The following EZHIP variants were observed in gnomAD, a reference collection of about 807,000 sequenced individuals.
The protein encoded by EZHIP is K27M-like inhibitor of PRC2.
For synonymous variants in EZHIP, 192 were observed against 86.5 expected (o/e 2.22, Z -6.77); for missense variants, 428 against 204.2 (o/e 2.10, Z -6.68).
Position 51,408,047 on chromosome X carries a change from G to C in EZHIP, c.1031G>C (p.Gly344Ala). ...AGCACCAGCACGACGCCAGGCACTG[G>C]CCTCCGGAGCCGTTCCACCCAGCAA... The part of the protein sequence containing the change: ...HRSTSTTPGT[G>A]LRSRSTQQRS... Residue 344 changes from glycine to alanine, a missense_variant, in exon 1 of 1, where the codon GGC (glycine) becomes GCC (alanine). Transcript: ENST00000342995. 1 of 570,873 alleles carries C rather than the reference G, an allele frequency of 1.8e-6. No homozygotes were observed. The highest frequency in any genetic ancestry group is 3.2e-6 in the Non-Finnish European group (1 of 309,512). The allele number at this position is 570,873 out of a possible 1,213,427, so 47.0% of individuals were successfully genotyped here.
In EZHIP at chrX:51,407,417, A is replaced by T; in HGVS notation, c.401A>T (p.Glu134Val). The stretch of plus-strand genomic sequence containing the variant: ...CAGAAGGCCACTGGCCACGCCGACG[A>T]GCACCTGGCCCAGACCAAGAGCCCC... Reference protein sequence around the residue: ...GPQKATGHADEHLAQTKSPGN... With the variant: ...GPQKATGHADVHLAQTKSPGN... The change falls in exon 1 of 1, where the codon GAG becomes GTG. Residue 134 changes from glutamate (E) to valine (V), a missense_variant. By Grantham distance (121) the Glu-to-Val change is moderately radical (BLOSUM62 -2). Coordinates refer to ENST00000342995, the MANE Select transcript of EZHIP (RefSeq NM_203407.3). 1.8e-6 allele frequency: 1 copy of T among 542,928 alleles called. No homozygotes were observed. Among genetic ancestry groups the T allele is most frequent in the South Asian group, 2.4e-5 (1 of 41,832 alleles). 44.7% of individuals were successfully genotyped at this position (542,928 alleles called of 1,213,427 possible).
Position 51,407,533 on chromosome X carries a change from C to T in EZHIP, c.517C>T (p.Pro173Ser). The part of the protein sequence containing the change: ...PGRRLFPEPL[P>S]PSSPGFRPSS... ...GCGGCGTCTGTTTCCTGAGCCTTTG[C>T]CGCCATCTTCTCCAGGGTTCCGGCC... Residue 173 changes from proline to serine, a missense_variant, in exon 1 of 1, where the codon CCG becomes TCG. Transcript: ENST00000342995. 1.8e-6 allele frequency: 1 copy of T among 549,303 alleles called. No homozygotes were observed. The highest frequency in any genetic ancestry group is 2.4e-5 in the South Asian group (1 of 42,196). The allele number at this position is 549,303 out of a possible 1,213,427, so 45.3% of individuals were successfully genotyped here.
rs782413802 is a variant in EZHIP at position 51,407,259 on chromosome X, T to G, written c.243T>G (p.Asp81Glu). 1.8e-6 allele frequency: 1 copy of G among 569,622 alleles called. No individual in the cohort carries two copies. The highest frequency in any genetic ancestry group is 3.2e-6 in the Non-Finnish European group (1 of 309,276). 46.9% of individuals were successfully genotyped at this position (569,622 alleles called of 1,213,427 possible). A position where few individuals can be genotyped will look rare whatever the true frequency, so the allele number is the denominator to read the frequency against. Reference protein sequence around the residue: ...AATSAAIFITDEASGLPIIAA... With the variant: ...AATSAAIFITEEASGLPIIAA... ...CCTCCGCCGCCATTTTCATCACCGATGAGGCCTCGGGGCTGCCAATCATAG... is the reference window on the plus strand; with the variant it reads ...CCTCCGCCGCCATTTTCATCACCGAGGAGGCCTCGGGGCTGCCAATCATAG... The change falls in exon 1 of 1, where the codon GAT (aspartate) becomes GAG (glutamate). Residue 81 changes from aspartate to glutamate, a missense_variant. Physicochemically the swap from Asp to Glu is conservative, Grantham distance 45. Transcript: ENST00000342995.
At position 51,408,732 on chromosome X, in the gene EZHIP, T is replaced by A; in HGVS notation, c.*204T>A. 2.5e-6 allele frequency: 1 copy of A among 396,172 alleles called. No individual in the cohort carries two copies. Among genetic ancestry groups the A allele is most frequent in the South Asian group, 6.3e-5 (1 of 15,883 alleles). The allele number at this position is 396,172 out of a possible 1,213,427, so 32.6% of individuals were successfully genotyped here. ...TGTTGGCCTTTGATTCTGGGCCACCTTCTTCCTCAAGAGTTTGCCTTTGCC... is the reference window on the plus strand; with the variant it reads ...TGTTGGCCTTTGATTCTGGGCCACCATCTTCCTCAAGAGTTTGCCTTTGCC... On this transcript the variant is annotated 3_prime_UTR_variant, in exon 1 of 1. Coordinates refer to ENST00000342995, the MANE Select transcript of EZHIP (RefSeq NM_203407.3).
Position 51,408,072 on chromosome X carries a change from A to G in EZHIP, c.1056A>G (p.Gln352=). Residue 352 remains glutamine, a synonymous_variant, in exon 1 of 1, where the codon CAA becomes CAG. Coordinates refer to ENST00000342995, the MANE Select transcript of EZHIP (RefSeq NM_203407.3). ...GTGLRSRSTQ[Q]RSALLSRRSL... ...GCCTCCGGAGCCGTTCCACCCAGCA[A>G]AGATCAGCCCTTCTCAGCCGCCGCT... The G allele has an allele frequency of 1.8e-6, 1 of 570,844 alleles. No homozygotes were observed. Among genetic ancestry groups the G allele is most frequent in the Non-Finnish European group, 3.2e-6 (1 of 309,329 alleles). The allele number at this position is 570,844 out of a possible 1,213,427, so 47.0% of individuals were successfully genotyped here. A position where few individuals can be genotyped will look rare whatever the true frequency, so the allele number is the denominator to read the frequency against.
rs1557318910 is a variant in EZHIP, at chrX:51,408,140, G to A, written c.1124G>A (p.Gly375Asp). 8.8e-6 allele frequency: 5 copies of A among 570,810 alleles called. No homozygotes were observed. Among genetic ancestry groups the A allele is most frequent in the Middle Eastern group, 3.1e-4 (1 of 3,250 alleles). 47.0% of individuals were successfully genotyped at this position (570,810 alleles called of 1,213,427 possible). A position where few individuals can be genotyped will look rare whatever the true frequency, so the allele number is the denominator to read the frequency against. ...SADENPSCGTGSERLAFQSRS... is the reference protein window; with the variant it reads ...SADENPSCGTDSERLAFQSRS... ...GATGAGAATCCTTCCTGTGGGACTG[G>A]CTCAGAAAGGCTTGCCTTTCAGAGC... The change falls in exon 1 of 1, where the codon GGC becomes GAC. Residue 375 changes from glycine (G) to aspartate (D), a missense_variant. Physicochemically the swap from Gly to Asp is moderately conservative, Grantham distance 94 (BLOSUM62 -1). Transcript: ENST00000342995.
chrX:51,406,996 T>C lies in EZHIP; in HGVS notation c.-21T>C. The C allele has an allele frequency of 1.8e-6, 1 of 559,802 alleles. No individual in the cohort carries two copies. The highest frequency in any genetic ancestry group is 3.3e-6 in the Non-Finnish European group (1 of 302,905). 46.1% of individuals were successfully genotyped at this position (559,802 alleles called of 1,213,427 possible). A position where few individuals can be genotyped will look rare whatever the true frequency, so the allele number is the denominator to read the frequency against. On this transcript the variant is annotated 5_prime_UTR_variant, in exon 1 of 1. Transcript: ENST00000342995. Reference sequence around the variant, plus strand: ...AGAAGTAGCAGCTGCGCTCTTGCTCTCTGGGGGAGAACCTGGCGTTATGGC... The same window carrying C: ...AGAAGTAGCAGCTGCGCTCTTGCTCCCTGGGGGAGAACCTGGCGTTATGGC...
Position 51,408,503 on chromosome X carries a change from A to T in EZHIP, c.1487A>T (p.His496Leu), listed in dbSNP as rs1557318992. The change falls in exon 1 of 1, where the codon CAC (histidine) becomes CTC (leucine). Residue 496 changes from histidine to leucine, a missense_variant. Coordinates refer to ENST00000342995, the MANE Select transcript of EZHIP (RefSeq NM_203407.3). ...CAGGCAGAAATAGAGAGCACAGCTC[A>T]CCCCGCAACACCGCCTGAGCCGTGA... ...EEQAEIESTA[H>L]PATPPEP 1 of 569,899 alleles carries T rather than the reference A, an allele frequency of 1.8e-6. No homozygotes were observed. Among genetic ancestry groups the T allele is most frequent in the South Asian group, 2.2e-5 (1 of 44,850 alleles). 47.0% of individuals were successfully genotyped at this position (569,899 alleles called of 1,213,427 possible).
At position 51,407,870 on chromosome X, in the gene EZHIP, C is replaced by T. The variant is rs782145727; in HGVS notation, c.854C>T (p.Ala285Val). Residue 285 changes from alanine (A) to valine (V), a missense_variant, in exon 1 of 1, where the codon GCG (alanine) becomes GTG (valine). Physicochemically the swap from Ala to Val is moderately conservative, Grantham distance 64. Transcript: ENST00000342995. ...CCTGCCCGCCGAGGCTGCGATTCTG[C>T]GCCAGGCCCTGCCCGCCGAGGCCGC... Reference protein sequence around the residue: ...PGPARRGCDSAPGPARRGRDS... With the variant: ...PGPARRGCDSVPGPARRGRDS... The T allele has an allele frequency of 7.6e-5, 42 of 555,750 alleles. No homozygotes were observed. The highest frequency in any genetic ancestry group is 6.3e-4 in the African/African-American group (28 of 44,421). 45.8% of individuals were successfully genotyped at this position (555,750 alleles called of 1,213,427 possible). A position where few individuals can be genotyped will look rare whatever the true frequency, so the allele number is the denominator to read the frequency against.
rs1924141267 is a variant in EZHIP, at chrX:51,408,348, T to C, written c.1332T>C (p.Pro444=). 1.8e-6 allele frequency: 1 copy of C among 569,393 alleles called. No individual in the cohort carries two copies. The highest frequency in any genetic ancestry group is 2.2e-5 in the Admixed American group (1 of 45,025). 46.9% of individuals were successfully genotyped at this position (569,393 alleles called of 1,213,427 possible). The change falls in exon 1 of 1, where the codon CCT becomes CCC. Residue 444 remains proline, a synonymous_variant. Transcript: ENST00000342995. ...ASNSSSPSRS[P]GLSPSSPSPE... ...ACTCCTCCTCCCCGAGTAGGTCTCC[T>C]GGCCTAAGCCCCTCATCCCCTTCCC...
In EZHIP at chrX:51,408,169, T is replaced by G. The variant is rs782487616; in HGVS notation, c.1153T>G (p.Ser385Ala). 3.5e-6 allele frequency: 2 copies of G among 570,881 alleles called. No homozygotes were observed. The highest frequency in any genetic ancestry group is 4.4e-5 in the South Asian group (2 of 44,998). The allele number at this position is 570,881 out of a possible 1,213,427, so 47.0% of individuals were successfully genotyped here. Residue 385 changes from serine to alanine, a missense_variant, in exon 1 of 1, where the codon TCA (serine) becomes GCA (alanine). Transcript: ENST00000342995. ...GSERLAFQSR[S>A]GSPDPEVPSR... ...AGAAAGGCTTGCCTTTCAGAGCAGA[T>G]CAGGCTCTCCTGATCCTGAGGTCCC... is the stretch of plus-strand genomic sequence containing the variant.
Position 51,408,611 on chromosome X carries a change from C to T in EZHIP, c.*83C>T. Reference sequence around the variant, plus strand: ...AATGGGCTGCCTGCCCTGTAGTTAGCTGCGAGGTCTCCCAAAGTTCCAGCC... The same window carrying T: ...AATGGGCTGCCTGCCCTGTAGTTAGTTGCGAGGTCTCCCAAAGTTCCAGCC... On this transcript the variant is annotated 3_prime_UTR_variant, in exon 1 of 1. Transcript: ENST00000342995. 2.0e-6 allele frequency: 1 copy of T among 492,076 alleles called. No homozygotes were observed. The highest frequency in any genetic ancestry group is 3.5e-5 in the East Asian group (1 of 28,567). The allele number at this position is 492,076 out of a possible 1,213,427, so 40.6% of individuals were successfully genotyped here.
At position 51,407,338 on chromosome X, in the gene EZHIP, G is replaced by A. The variant is rs2146629743; in HGVS notation, c.322G>A (p.Glu108Lys). 5.3e-6 allele frequency: 3 copies of A among 569,698 alleles called. No homozygotes were observed. In the East Asian group the frequency reaches 9.8e-5, roughly 19 times the overall value. The allele number at this position is 569,698 out of a possible 1,213,427, so 46.9% of individuals were successfully genotyped here. The change falls in exon 1 of 1, where the codon GAA becomes AAA. Residue 108 changes from glutamate to lysine, a missense_variant. Glu to Lys is a moderately conservative substitution (Grantham distance 56). Transcript: ENST00000342995. The stretch of plus-strand genomic sequence containing the variant: ...CCGCCAGGACTGCCGCAGTCCTCAC[G>A]AAGTTTTTGGGTGTGTGGTGCCCGA... ...SDRQDCRSPH[E>K]VFGCVVPEGG... is the part of the protein sequence containing the mutation.
chrX:51,407,166 C>T lies in EZHIP; in HGVS notation c.150C>T (p.Ser50=), dbSNP rs782571238. 3.5e-6 allele frequency: 2 copies of T among 571,031 alleles called. No individual in the cohort carries two copies. Among genetic ancestry groups the T allele is most frequent in the Non-Finnish European group, 6.5e-6 (2 of 309,495 alleles). The allele number at this position is 571,031 out of a possible 1,213,427, so 47.1% of individuals were successfully genotyped here. The change falls in exon 1 of 1, where the codon AGC becomes AGT. Residue 50 remains serine (S), a synonymous_variant. Coordinates refer to ENST00000342995, the MANE Select transcript of EZHIP (RefSeq NM_203407.3). ...DPAASVTTVS[S]QASPSGGAAL... is the part of the protein sequence containing the mutation. ...CTGCTTCCGTCACCACAGTCTCCAG[C>T]CAAGCATCTCCCTCGGGCGGCGCCG... is the stretch of plus-strand genomic sequence containing the variant.
chrX:51,407,236 T>G lies in EZHIP; in HGVS notation c.220T>G (p.Ser74Ala), dbSNP rs1331291457. Residue 74 changes from serine to alanine, a missense_variant, in exon 1 of 1, where the codon TCC becomes GCC. By Grantham distance (99) the Ser-to-Ala change is moderately conservative (BLOSUM62 1). Transcript: ENST00000342995. ...TAGSSAAAAT[S>A]AAIFITDEAS... is the part of the protein sequence containing the mutation. ...CGGTTCTTCCGCTGCAGCCGCCACC[T>G]CCGCCGCCATTTTCATCACCGATGA... The G allele has an allele frequency of 1.8e-6, 1 of 570,059 alleles. No homozygotes were observed. Among genetic ancestry groups the G allele is most frequent in the Non-Finnish European group, 3.2e-6 (1 of 309,215 alleles). The allele number at this position is 570,059 out of a possible 1,213,427, so 47.0% of individuals were successfully genotyped here.
chrX:51,406,987 C>G lies in EZHIP; in HGVS notation c.-30C>G, dbSNP rs370676521. 1.8e-6 allele frequency: 1 copy of G among 552,405 alleles called. No individual in the cohort carries two copies. Among genetic ancestry groups the G allele is most frequent in the African/African-American group, 2.2e-5 (1 of 44,627 alleles). The allele number at this position is 552,405 out of a possible 1,213,427, so 45.5% of individuals were successfully genotyped here. A position where few individuals can be genotyped will look rare whatever the true frequency, so the allele number is the denominator to read the frequency against. On this transcript the variant is annotated 5_prime_UTR_variant, in exon 1 of 1. Coordinates refer to ENST00000342995, the MANE Select transcript of EZHIP (RefSeq NM_203407.3). ...TCCTCCGGCAGAAGTAGCAGCTGCG[C>G]TCTTGCTCTCTGGGGGAGAACCTGG...
At position 51,407,312 on chromosome X, in the gene EZHIP, A is replaced by G. The variant is rs150744790; in HGVS notation, c.296A>G (p.Asp99Gly). The G allele has an allele frequency of 3.5e-6, 2 of 569,002 alleles. No individual in the cohort carries two copies. The highest frequency in any genetic ancestry group is 6.5e-6 in the Non-Finnish European group (2 of 309,058). The allele number at this position is 569,002 out of a possible 1,213,427, so 46.9% of individuals were successfully genotyped here. A position where few individuals can be genotyped will look rare whatever the true frequency, so the allele number is the denominator to read the frequency against. Residue 99 changes from aspartate to glycine, a missense_variant, in exon 1 of 1, where the codon GAC (aspartate) becomes GGC (glycine). Transcript: ENST00000342995. The part of the protein sequence containing the change: ...IAAVLTERHS[D>G]RQDCRSPHEV... ...GCTGTGCTGACGGAGAGGCATTCTG[A>G]CCGCCAGGACTGCCGCAGTCCTCAC...
chrX:51,407,867 C>G lies in EZHIP; in HGVS notation c.851C>G (p.Ser284Cys), dbSNP rs781995907. The G allele has an allele frequency of 4.1e-5, 23 of 557,497 alleles. No individual in the cohort carries two copies. The South Asian group carries it at 4.8e-4, about 12-fold the overall frequency. The allele number at this position is 557,497 out of a possible 1,213,427, so 45.9% of individuals were successfully genotyped here. The change falls in exon 1 of 1, where the codon TCT becomes TGT. Residue 284 changes from serine to cysteine, a missense_variant. Physicochemically the swap from Ser to Cys is moderately radical, Grantham distance 112. Coordinates refer to ENST00000342995, the MANE Select transcript of EZHIP (RefSeq NM_203407.3). Reference sequence around the variant, plus strand: ...GGCCCTGCCCGCCGAGGCTGCGATTCTGCGCCAGGCCCTGCCCGCCGAGGC... The same window carrying G: ...GGCCCTGCCCGCCGAGGCTGCGATTGTGCGCCAGGCCCTGCCCGCCGAGGC... ...VPGPARRGCDSAPGPARRGRD... is the reference protein window; with the variant it reads ...VPGPARRGCDCAPGPARRGRD...
In EZHIP at chrX:51,408,395, C is replaced by G. The variant is rs781803708; in HGVS notation, c.1379C>G (p.Ser460Cys). Residue 460 changes from serine (S) to cysteine (C), a missense_variant, in exon 1 of 1, where the codon TCT (serine) becomes TGT (cysteine). Physicochemically the swap from Ser to Cys is moderately radical, Grantham distance 112. Coordinates refer to ENST00000342995, the MANE Select transcript of EZHIP (RefSeq NM_203407.3). ...TCCCCTGAGTTTTTGGGCCTGAGAT[C>G]TATCTCCACTCCTAGCCCTGAAAGC... ...SPSPEFLGLR[S>C]ISTPSPESLR... The G allele has an allele frequency of 8.8e-6, 5 of 571,195 alleles. No individual in the cohort carries two copies. The South Asian group carries it at 8.9e-5, about 10-fold the overall frequency. 47.1% of individuals were successfully genotyped at this position (571,195 alleles called of 1,213,427 possible). A position where few individuals can be genotyped will look rare whatever the true frequency, so the allele number is the denominator to read the frequency against.
Sources: allele counts gnomAD v4.1 joint callset, GRCh38; gene constraint gnomAD v4.1.1; transcripts MANE v1.5; gene names NCBI Gene and HGNC (gene_info 2026-07-23, HGNC 2026-07-21).